Variants in MYBBP1A observed in about 807,000 individuals in gnomAD.
MYBBP1A encodes MYB binding protein 1a.
In MYBBP1A, 147 loss-of-function variants were observed where a neutral mutation model predicts 136.3. That is an observed-to-expected ratio of 1.08 (90% CI 0.94 to 1.24). MYBBP1A has a LOEUF of 1.24. MYBBP1A is among the 50% of genes most tolerant of loss of function. The pLI is 0.00. For missense variants in MYBBP1A, 2,060 were observed against 1,727.4 expected (o/e 1.19, Z -3.41); for synonymous variants, 947 against 735.8 (o/e 1.29, Z -4.65).
chr17:4,547,484 C>G (rs1907108489), intron 13 of MYBBP1A, among the ~76,000 whole-genome samples: 1 of 152,202 alleles, frequency 6.6e-6, no homozygotes, highest in South Asian at 2.1e-4. Flanking sequence ...AAGAGACCCA[C>G]CTACTCAGGC....
intron 13 of MYBBP1A, 49 bp downstream of exon 13, chr17:4,547,909 G>T: frequency 1.4e-6 from 2 of 1,392,680 alleles, no homozygotes; most frequent in Non-Finnish European, 9.5e-7. Flanking sequence ...GGGGCCCATT[G>T]TGCCATAGAA....
At chr17:4,540,066 G>T in intron 25 of MYBBP1A, 99 bp from the exon 26 acceptor site, 1 of 1,398,882 alleles carries the variant, frequency 7.1e-7, no homozygotes, top group Non-Finnish European at 9.7e-7. Flanking sequence ...GTCCTCTGAG[G>T]CCCCTAGGTT....
In MYBBP1A at chr17:4,555,367, C is replaced by CCCAGCCGCTTCCA. The variant is rs1907943328; in HGVS notation, c.-56_-44dup. On this transcript the variant is annotated 5_prime_UTR_variant, in exon 1 of 26. Coordinates refer to ENST00000254718, the MANE Select transcript of MYBBP1A (RefSeq NM_014520.4). ...AAACACGAAACACGTGTGCTCCGGC[C>CCCAGCCGCTTCCA]CCAGCCGCTTCCAGGTCAGGGCACG... 1.3e-6 allele frequency: 2 copies of CCCAGCCGCTTCCA among 1,557,546 alleles called. No homozygotes were observed. Among genetic ancestry groups the CCCAGCCGCTTCCA allele is most frequent in the South Asian group, 2.4e-5 (2 of 85,048 alleles).
At chr17:4,544,670 C>CA in intron 18 of MYBBP1A, 24 bp from the exon 19 acceptor site, 1 of 1,508,516 alleles carries the variant, frequency 6.6e-7, no homozygotes, top group Non-Finnish European at 8.8e-7. Context: ...GGCAGGTCAG[C>CA]AACACGGGGG....
chr17:4,548,187 G>C lies in MYBBP1A; in HGVS notation c.1680C>G (p.Thr560=), dbSNP rs1907167552. The C allele has an allele frequency of 1.9e-6, 3 of 1,606,478 alleles. No homozygotes were observed. In the African/African-American group the frequency reaches 4.0e-5, roughly 21 times the overall value. Reference sequence around the variant, plus strand: ...GCTGCGCAGTGAAGGGTGTCACGGTGGTCACGTTGTGGCTGTGATTCAACA... The same window carrying C: ...GCTGCGCAGTGAAGGGTGTCACGGTCGTCACGTTGTGGCTGTGATTCAACA... ...DLLLNHSHNV[T]TVTPFTAQQR... Residue 560 remains threonine, a synonymous_variant, in exon 12 of 26, where the codon ACC becomes ACG. Coordinates refer to ENST00000254718, the MANE Select transcript of MYBBP1A (RefSeq NM_014520.4). This position sits in a 1 kb window ranked among gnomAD's most constrained non-coding sequence, Gnocchi z 4.2.
chr17:4,555,013 C>G, intron 1 of MYBBP1A, 57 bp from the exon 2 acceptor site: 1 of 1,600,876 alleles, frequency 6.2e-7, no homozygotes, highest in Non-Finnish European at 8.5e-7. Flanking sequence ...CACGCCCCCG[C>G]GCACCCTGGC....
chr17:4,543,893 A>AC (rs1567606001), intron 19 of MYBBP1A, among the ~76,000 whole-genome samples: 8 of 151,732 alleles, frequency 5.3e-5, no homozygotes, highest in South Asian at 2.1e-4. Flanking sequence ...ACCCTTCCCC[A>AC]CGCCACTGCT....
chr17:4,552,611 A>G lies in MYBBP1A; in HGVS notation c.577T>C (p.Leu193=), dbSNP rs1470809938. The G allele has an allele frequency of 1.2e-6, 2 of 1,613,502 alleles. No homozygotes were observed. Among genetic ancestry groups the G allele is most frequent in the East Asian group, 4.5e-5 (2 of 44,862 alleles). Residue 193 remains leucine (L), a synonymous_variant, in exon 6 of 26, where the codon TTG becomes CTG. Transcript: ENST00000254718. The surrounding 1 kb of genome is among the most constrained non-coding windows in gnomAD (Gnocchi z 4.7). ...AGGACCTCCGGCAGGATCTCCTGCA[A>G]TGTGGCCTTCGAGACCTAAGGATGG... is the stretch of plus-strand genomic sequence containing the variant. The part of the protein sequence containing the change: ...DILSEVSKAT[L]QEILPEVLKA...
rs1363305354 is a variant in MYBBP1A, at chr17:4,548,423, G to A, written c.1556+101C>T. 6.2e-6 allele frequency: 10 copies of A among 1,604,768 alleles called. No homozygotes were observed. Among genetic ancestry groups the A allele is most frequent in the South Asian group, 1.1e-5 (1 of 90,724 alleles). ...CCTCTCCAGGACCTACTAGAACTCC[G>A]GGGGCCTCTGCCGTTGTTCCCAGCT... On this transcript the variant is annotated intron_variant, in intron 11 of 25. Transcript: ENST00000254718. This position sits in a 1 kb window ranked among gnomAD's most constrained non-coding sequence, Gnocchi z 4.2.
rs117568324 is a variant in MYBBP1A, at chr17:4,541,663, G to A, written c.3196-99C>T. On this transcript the variant is annotated intron_variant, in intron 23 of 25. Coordinates refer to ENST00000254718, the MANE Select transcript of MYBBP1A (RefSeq NM_014520.4). The stretch of plus-strand genomic sequence containing the variant: ...AGCCCAGAGGCAGGGACCGTCTCCT[G>A]GGACAACCCCAGTTCTCCCGACTCT... 2.6e-3 allele frequency: 3,790 copies of A among 1,454,646 alleles called. 166 individuals are homozygous for A. In the East Asian group the frequency reaches 0.073, roughly 28 times the overall value. 90.1% of individuals were successfully genotyped at this position (1,454,646 alleles called of 1,614,324 possible).
chr17:4,548,028 G>T lies in MYBBP1A; in HGVS notation c.1754C>A (p.Ala585Asp). ...AGCAGCCCTGGCCTCTGCGGAGTGG[G>T]CCTCCAGCTCCTTCAGAGTCTGCAG... ...RMLQTLKELE[A>D]HSAEARAAAF... Residue 585 changes from alanine to aspartate, a missense_variant, in exon 13 of 26, where the codon GCC (alanine) becomes GAC (aspartate). Ala to Asp is a moderately radical substitution (Grantham distance 126, BLOSUM62 -2). Transcript: ENST00000254718. This position sits in a 1 kb window ranked among gnomAD's most constrained non-coding sequence, Gnocchi z 4.2. 1.9e-6 allele frequency: 3 copies of T among 1,553,994 alleles called. No homozygotes were observed. The highest frequency in any genetic ancestry group is 2.6e-6 in the Non-Finnish European group (3 of 1,149,440).
In MYBBP1A at chr17:4,554,252, G is replaced by C. The variant is rs755155732; in HGVS notation, c.321C>G (p.Pro107=). Residue 107 remains proline, a synonymous_variant, in exon 3 of 26, where the codon CCC becomes CCG. Coordinates refer to ENST00000254718, the MANE Select transcript of MYBBP1A (RefSeq NM_014520.4). The part of the protein sequence containing the change: ...AQLLQSFEDL[P]LCSILQQIQE... Reference sequence around the variant, plus strand: ...GTATCTGCTGCAGGATGCTGCACAAGGGGAGGTCTTCAAAAGACTGTAACA... The same window carrying C: ...GTATCTGCTGCAGGATGCTGCACAACGGGAGGTCTTCAAAAGACTGTAACA... 16 of 1,613,944 alleles carry C rather than the reference G, an allele frequency of 9.9e-6. No individual in the cohort carries two copies. In the East Asian group the frequency reaches 3.6e-4, roughly 36 times the overall value.
At position 4,552,202 on chromosome 17, in the gene MYBBP1A, G is replaced by C. The variant is rs768703531; in HGVS notation, c.828C>G (p.Leu276=). ...AGAACCGTGGGAACTTGTCTTCCTT[G>C]AGTGCCAGGCGGAGCAGGTCCAGAG... The part of the protein sequence containing the change: ...AIALDLLRLA[L]KEDKFPRFWK... The change falls in exon 7 of 26, where the codon CTC becomes CTG. Residue 276 remains leucine (L), a synonymous_variant. Coordinates refer to ENST00000254718, the MANE Select transcript of MYBBP1A (RefSeq NM_014520.4). This position sits in a 1 kb window ranked among gnomAD's most constrained non-coding sequence, Gnocchi z 4.7. 5.0e-6 allele frequency: 8 copies of C among 1,614,098 alleles called. No individual in the cohort carries two copies. The highest frequency in any genetic ancestry group is 1.6e-4 in the Middle Eastern group (1 of 6,084).
In MYBBP1A at chr17:4,548,472, G is replaced by GC. The variant is rs1249992684; in HGVS notation, c.1556+51dup. On this transcript the variant is annotated intron_variant, in intron 11 of 25. Coordinates refer to ENST00000254718, the MANE Select transcript of MYBBP1A (RefSeq NM_014520.4). This position sits in a 1 kb window ranked among gnomAD's most constrained non-coding sequence, Gnocchi z 4.2. ...CTTAGGGGACCTGGAGGGAGCAGGC[G>GC]CCCTCAAGGCCTTCCCACCTTCGGA... The GC allele has an allele frequency of 6.8e-6, 11 of 1,611,918 alleles. No homozygotes were observed. Among genetic ancestry groups the GC allele is most frequent in the Non-Finnish European group, 9.3e-6 (11 of 1,179,354 alleles).
chr17:4,540,567 GTTGC>G, intron 24 of MYBBP1A, 83 bp from the exon 25 acceptor site: 1 of 1,438,744 alleles, frequency 7.0e-7, no homozygotes, highest in Non-Finnish European at 9.2e-7. Flanking sequence ...CCTCTGCCCT[GTTGC>G]TGCCTCACCA....
intron 8 of MYBBP1A, 115 bp downstream of exon 8, chr17:4,551,765 G>A (rs1907524819): frequency 6.8e-6 from 6 of 880,736 alleles, no homozygotes; most frequent in Non-Finnish European, 1.1e-5. Context: ...TACCCAGACG[G>A]AGGGGACACC....
intron 8 of MYBBP1A, 116 bp from the exon 9 acceptor site, chr17:4,550,469 G>A (rs1008467702): frequency 8.3e-6 from 10 of 1,204,854 alleles, no homozygotes; most frequent in Non-Finnish European, 1.2e-5. Context: ...CCCGGGGGCA[G>A]GCGGGCAACA....
Position 4,539,926 on chromosome 17 carries a change from C to G in MYBBP1A, c.3476G>C (p.Ser1159Thr). ...CTTACTGATGGGGCTCTGGGTGGCA[C>G]TGGGGATCTCCTTGGCATCCTTCTT... The part of the protein sequence containing the change: ...LEKKDAKEIP[S>T]ATQSPISKKR... The change falls in exon 26 of 26, where the codon AGT (serine) becomes ACT (threonine). Residue 1159 changes from serine (S) to threonine (T), a missense_variant. Coordinates refer to ENST00000254718, the MANE Select transcript of MYBBP1A (RefSeq NM_014520.4). 3 of 1,599,722 alleles carry G rather than the reference C, an allele frequency of 1.9e-6. No individual in the cohort carries two copies. Among genetic ancestry groups the G allele is most frequent in the African/African-American group, 1.3e-5 (1 of 75,014 alleles).
chr17:4,545,993 T>C, intron 13 of MYBBP1A, 51 bp from the exon 14 acceptor site: 1 of 1,558,702 alleles, frequency 6.4e-7, no homozygotes, highest in Non-Finnish European at 8.8e-7. Context: ...CCCCAGCCCT[T>C]CTAAACCAGG....
Sources: allele counts gnomAD v4.1 joint callset (sites outside exome capture counted in the v4.1 genomes callset), GRCh38; gene constraint gnomAD v4.1.1; non-coding constraint Gnocchi (gnomAD v3.1); transcripts MANE v1.5; gene names NCBI Gene and HGNC (gene_info 2026-07-23, HGNC 2026-07-21).